The following TERB1 variants were observed in gnomAD, a reference collection of about 807,000 sequenced individuals.
The protein encoded by TERB1 is telomere repeat binding bouquet formation protein 1.
A neutral mutation model predicts 92.3 loss-of-function variants in TERB1; 63 were observed. The ratio of observed to expected loss-of-function variants is 0.68; its 90% CI spans 0.56 to 0.84. TERB1 has a LOEUF of 0.84. Among genes scored for constraint, TERB1 ranks in the 40% least tolerant of loss-of-function variants. The pLI is 0.00. For synonymous variants in TERB1, 252 were observed against 283.9 expected (o/e 0.89, Z 1.13); for missense variants, 709 against 843.7 (o/e 0.84, Z 1.98).
intron 5 of TERB1, among the ~76,000 whole-genome samples, chr16:66,789,583 C>CAAAAAAAAAAAAAAAAAAAAA (rs1168904056): frequency 1.8e-4 from 1 of 5,660 alleles, no homozygotes; most frequent in Non-Finnish European, 2.2e-4. Flanking sequence ...GACTCCGTCT[C>CAAAAAAAAAAAAAAAAAAAAA]AAAAAAAAAA....
chr16:66,782,870 G>A (rs2018660202), intron 9 of TERB1, among the ~76,000 whole-genome samples: 1 of 152,162 alleles, frequency 6.6e-6, no homozygotes, highest in Non-Finnish European at 1.5e-5. Flanking sequence ...CTCTGTGTGT[G>A]TGTGGCTGGG....
chr16:66,757,226 T>A (rs1400500196), intron 18 of TERB1, among the ~76,000 whole-genome samples: 2 of 152,110 alleles, frequency 1.3e-5, no homozygotes, highest in Non-Finnish European at 2.9e-5. Context: ...CTAAAGCAAG[T>A]CTTACCTACA....
At position 66,777,202 on chromosome 16, in the gene TERB1, C is replaced by G; in HGVS notation, c.985+1G>C. ...CCACACTCAATAAATCCAATACTTA[C>G]CACAATCCTCTGTGCAATGACCAAG... On this transcript the variant is annotated splice_donor_variant, in intron 11 of 18. Transcript: ENST00000433154. LOFTEE classifies it high-confidence loss of function. 6.5e-7 allele frequency: 1 copy of G among 1,546,048 alleles called. No homozygotes were observed. Among genetic ancestry groups the G allele is most frequent in the Non-Finnish European group, 8.7e-7 (1 of 1,144,666 alleles).
intron 5 of TERB1, among the ~76,000 whole-genome samples, chr16:66,789,912 TG>T (rs2018800202): frequency 6.6e-6 from 1 of 152,030 alleles, no homozygotes; most frequent in South Asian, 2.1e-4. Context: ...GGTATCACCA[TG>T]TTGTCCAGGC....
chr16:66,758,732 C>T lies in TERB1; in HGVS notation c.1996+41G>A, dbSNP rs750432992. The T allele has an allele frequency of 6.7e-5, 84 of 1,250,402 alleles. 2 individuals are homozygous for T. The Middle Eastern group carries it at 7.1e-4, about 11-fold the overall frequency. 77.5% of individuals were successfully genotyped at this position (1,250,402 alleles called of 1,614,324 possible). ...CTCCATCCTGGGTAACAGAGCCAGA[C>T]CCTGTCTCAAGAAAAAAAAAATTAA... On this transcript the variant is annotated intron_variant, in intron 18 of 18. Transcript: ENST00000433154.
intron 5 of TERB1, 23 bp from the exon 6 acceptor site, chr16:66,788,320 A>T (rs775194045): frequency 6.8e-7 from 1 of 1,463,816 alleles, no homozygotes; most frequent in East Asian, 2.7e-5. Context: ...ATATAATTTT[A>T]ATTTCAATGC....
chr16:66,783,794 T>C (rs1231530962), intron 9 of TERB1, among the ~76,000 whole-genome samples: 3 of 152,320 alleles, frequency 2.0e-5, no homozygotes, highest in East Asian at 3.9e-4. Flanking sequence ...TTCTCAGGTA[T>C]GATAATAGCA....
chr16:66,756,872 T>C (rs907410888), intron 18 of TERB1, among the ~76,000 whole-genome samples: 9 of 152,154 alleles, frequency 5.9e-5, no homozygotes, highest in Admixed American at 3.9e-4. Flanking sequence ...TATTAGGTAT[T>C]AGGGAAGAGC....
At chr16:66,774,174 C>A (rs1411021964) in intron 12 of TERB1, among the ~76,000 whole-genome samples, 1 of 147,252 alleles carries the variant, frequency 6.8e-6, no homozygotes, top group African/African-American at 2.5e-5. Context: ...AGCCACCATG[C>A]CCAGCCCAAA....
At chr16:66,785,643 T>C in intron 9 of TERB1, 143 bp downstream of exon 9, 1 of 800,274 alleles carries the variant, frequency 1.2e-6, no homozygotes, top group Non-Finnish European at 1.8e-6. Flanking sequence ...ACTTTTAAGA[T>C]TTTCTTATCT....
rs1414716259 is a variant in TERB1 at position 66,754,975 on chromosome 16, A to G, written c.*1T>C. On this transcript the variant is annotated 3_prime_UTR_variant, in exon 19 of 19. Coordinates refer to ENST00000433154, the MANE Select transcript of TERB1 (RefSeq NM_001136505.2). ...ACTAAAAACTGACAGTCTTCTTTCA[A>G]TCAAGAAGCTGCACACGTGGGGTGT... 1.3e-6 allele frequency: 2 copies of G among 1,545,960 alleles called. No individual in the cohort carries two copies. Among genetic ancestry groups the G allele is most frequent in the South Asian group, 1.2e-5 (1 of 82,298 alleles).
At chr16:66,799,443 G>C (rs962448554) in intron 2 of TERB1, among the ~76,000 whole-genome samples, 4 of 152,068 alleles carry the variant, frequency 2.6e-5, no homozygotes, top group African/African-American at 9.7e-5. Context: ...GGCCACGCTG[G>C]TCTCGAACTC....
chr16:66,779,932 G>A (rs1179902119), intron 9 of TERB1, among the ~76,000 whole-genome samples: 1 of 152,172 alleles, frequency 6.6e-6, no homozygotes, highest in African/African-American at 2.4e-5. Context: ...ATTTCTTTAA[G>A]TCTGAAGTCT....
Position 66,788,282 on chromosome 16 carries a change from G to T in TERB1, c.287C>A (p.Thr96Asn). 1 of 1,492,182 alleles carries T rather than the reference G, an allele frequency of 6.7e-7. No homozygotes were observed. Among genetic ancestry groups the T allele is most frequent in the Non-Finnish European group, 8.9e-7 (1 of 1,126,016 alleles). 92.4% of individuals were successfully genotyped at this position (1,492,182 alleles called of 1,614,324 possible). A position where few individuals can be genotyped will look rare whatever the true frequency, so the allele number is the denominator to read the frequency against. Residue 96 changes from threonine to asparagine, a missense_variant, in exon 6 of 19, where the codon ACT becomes AAT. Thr to Asn is a moderately conservative substitution (Grantham distance 65). Transcript: ENST00000433154. ...TTCAAACAACTCTGAAGTACACAAAGTCTGCTGACAGTAAACTGAAATATA... is the reference window on the plus strand; with the variant it reads ...TTCAAACAACTCTGAAGTACACAAATTCTGCTGACAGTAAACTGAAATATA... ...IAEKNVYCQQ[T>N]LCTSELFEDL...
intron 16 of TERB1, among the ~76,000 whole-genome samples, chr16:66,763,560 GTCTC>G (rs940359100): frequency 1.3e-5 from 2 of 152,018 alleles, no homozygotes; most frequent in African/African-American, 4.8e-5. Flanking sequence ...CATATTGTCC[GTCTC>G]TCTCTTTTTT....
intron 14 of TERB1, among the ~76,000 whole-genome samples, 174 bp downstream of exon 14, chr16:66,769,789 C>T (rs1199779194): frequency 2.0e-5 from 3 of 152,112 alleles, no homozygotes; most frequent in Non-Finnish European, 4.4e-5. Flanking sequence ...GATTAACTGG[C>T]CCATACCTCC....
In TERB1 at chr16:66,754,800, T is replaced by G. The variant is rs1053516548; in HGVS notation, c.*176A>C. The G allele has an allele frequency of 4.9e-6, 3 of 607,882 alleles. No homozygotes were observed. In the African/African-American group the frequency reaches 5.6e-5, roughly 11 times the overall value. The allele number at this position is 607,882 out of a possible 1,614,324, so 37.7% of individuals were successfully genotyped here. ...ACTAATCTGTACACTGATGATATATTTGCTTTATAAATCATTGTAATTTGA... is the reference window on the plus strand; with the variant it reads ...ACTAATCTGTACACTGATGATATATGTGCTTTATAAATCATTGTAATTTGA... On this transcript the variant is annotated 3_prime_UTR_variant, in exon 19 of 19. Transcript: ENST00000433154.
chr16:66,785,014 C>A (rs536625704), intron 9 of TERB1, among the ~76,000 whole-genome samples: 1 of 138,274 alleles, frequency 7.2e-6, no homozygotes, highest in African/African-American at 2.7e-5. Context: ...TGACCCACTG[C>A]GTCTGGCTTT....
chr16:66,774,980 A>T, intron 12 of TERB1, 138 bp downstream of exon 12: 1 of 841,746 alleles, frequency 1.2e-6, no homozygotes, highest in Non-Finnish European at 1.8e-6. Context: ...TACAGGCATG[A>T]GCCACTGTGC....
Sources: allele counts gnomAD v4.1 joint callset (sites outside exome capture counted in the v4.1 genomes callset), GRCh38; gene constraint gnomAD v4.1.1; transcripts MANE v1.5; gene names NCBI Gene and HGNC (gene_info 2026-07-23, HGNC 2026-07-21).